The following ZNF808 variants were observed in gnomAD, a reference collection of about 807,000 sequenced individuals.
ZNF808 encodes the protein zinc finger protein 808.
A neutral mutation model predicts 8.7 loss-of-function variants in ZNF808; 5 were observed. The ratio of observed to expected loss-of-function variants is 0.58; its 90% CI spans 0.30 to 1.21. ZNF808 has a LOEUF of 1.21. Among genes scored for constraint, ZNF808 ranks in the 50% most tolerant of loss-of-function variants. ZNF808 has a pLI of 0.07. For missense variants in ZNF808, 1,103 were observed against 1,098.4 expected, an observed-to-expected ratio of 1.00 and a Z score of -0.06; for synonymous variants, 380 against 366.0, an observed-to-expected ratio of 1.04 and a Z score of -0.44.
chr19:52,542,545 C>T (rs1331986633), intron 2 of ZNF808, among the ~76,000 whole-genome samples: 2 of 152,090 alleles, frequency 1.3e-5, no homozygotes, highest in African/African-American at 2.4e-5. Context: ...CTCCCACAGC[C>T]CCCATTTGAC....
intron 1 of ZNF808, among the ~76,000 whole-genome samples, chr19:52,530,431 AGGTG>A (rs2123057513): frequency 6.6e-6 from 1 of 150,376 alleles, no homozygotes; most frequent in South Asian, 2.2e-4. Flanking sequence ...TGGGAGACAG[AGGTG>A]GGTGGATCAT....
chr19:52,563,572 T>C (rs1245316059), exon 4 of ZNF808: 4 of 152,470 alleles, frequency 2.6e-5, no homozygotes, highest in Non-Finnish European at 5.9e-5. Flanking sequence ...ACAGGAATAA[T>C]GAAGTCATTG....
intron 4 of ZNF808, among the ~76,000 whole-genome samples, chr19:52,550,764 A>G (rs985671732): frequency 6.6e-6 from 1 of 152,082 alleles, no homozygotes; most frequent in Non-Finnish European, 1.5e-5. Flanking sequence ...CAGGTGATTC[A>G]TCCACCTGCT....
chr19:52,534,542 G>A lies in ZNF808; in HGVS notation c.-20+1533G>A, dbSNP rs139609503. Among the ~76,000 whole-genome samples, 937 of 152,104 alleles carry A rather than the reference G, an allele frequency of 6.2e-3. 14 individuals are homozygous for A. Among genetic ancestry groups the A allele is most frequent in the African/African-American group, 0.022 (897 of 41,480 alleles). The stretch of plus-strand genomic sequence containing the variant: ...TCGTGGAGATGATTTCTCATTTGGG[G>A]GAAGACTCTTTGTTTTTCAATTATA... On this transcript the variant is annotated intron_variant, in intron 2 of 4. Transcript: ENST00000359798.
chr19:52,539,547 G>GTTTTTTTTT (rs2059649076), intron 2 of ZNF808, among the ~76,000 whole-genome samples: 1 of 73,364 alleles, frequency 1.4e-5, no homozygotes, highest in African/African-American at 5.9e-5. Context: ...TTGTTGTGGT[G>GTTTTTTTTT]GTTTTTTTTT....
chr19:52,560,338 AT>A (rs1227593114), downstream of ZNF808, among the ~76,000 whole-genome samples: 5 of 151,828 alleles, frequency 3.3e-5, no homozygotes, highest in Non-Finnish European at 7.4e-5. Context: ...AAAAAAAAAA[AT>A]TAAAAAACGT....
At chr19:52,541,813 C>G (rs375539431) in intron 2 of ZNF808, among the ~76,000 whole-genome samples, 1 of 152,126 alleles carries the variant, frequency 6.6e-6, no homozygotes, top group Non-Finnish European at 1.5e-5. Context: ...CCCCTGAGCT[C>G]TACAATCCTG....
downstream of ZNF808, among the ~76,000 whole-genome samples, chr19:52,566,306 C>T (rs2059872960): frequency 1.3e-5 from 2 of 151,982 alleles, no homozygotes; most frequent in Admixed American, 1.3e-4. Flanking sequence ...GCTCAGATTA[C>T]AGGCATGCAT....
intron 2 of ZNF808, chr19:52,536,169 T>C (rs1267631877): frequency 6.6e-6 from 1 of 152,408 alleles, no homozygotes; most frequent in Admixed American, 6.5e-5. Flanking sequence ...CCAGAGCAAA[T>C]TGAGATGTCC....
downstream of ZNF808, among the ~76,000 whole-genome samples, chr19:52,559,968 A>G (rs1278301630): frequency 1.3e-5 from 2 of 152,202 alleles, no homozygotes; most frequent in African/African-American, 2.4e-5. Flanking sequence ...TTGATTTGCA[A>G]TAAGGTATAT....
chr19:52,554,114 A>C lies in ZNF808; in HGVS notation c.1198A>C (p.Lys400Gln), dbSNP rs1179386135. Reference sequence around the variant, plus strand: ...AATTCATAGTGGAGAGAAAACATACAAGTGTAATGAGTGTGGTAAGGCTTT... The same window carrying C: ...AATTCATAGTGGAGAGAAAACATACCAGTGTAATGAGTGTGGTAAGGCTTT... ...TRIHSGEKTY[K>Q]CNECGKAFNH... The change falls in exon 5 of 5, where the codon AAG becomes CAG. Residue 400 changes from lysine (K) to glutamine (Q), a missense_variant. Transcript: ENST00000359798. The C allele has an allele frequency of 6.2e-7, 1 of 1,614,026 alleles. No homozygotes were observed.
At position 52,555,488 on chromosome 19, in the gene ZNF808, C is replaced by G. The variant is rs543212488; in HGVS notation, c.2572C>G (p.Arg858Gly). The G allele has an allele frequency of 6.2e-7, 1 of 1,613,856 alleles. No individual in the cohort carries two copies. Among genetic ancestry groups the G allele is most frequent in the South Asian group, 1.1e-5 (1 of 91,058 alleles). ...TGAAGCATGTGACAAAGTTTTCAGTCGCAAATCACACCTTAAAAGACATAG... is the reference window on the plus strand; with the variant it reads ...TGAAGCATGTGACAAAGTTTTCAGTGGCAAATCACACCTTAAAAGACATAG... The part of the protein sequence containing the change: ...KCEACDKVFS[R>G]KSHLKRHRII... The change falls in exon 5 of 5, where the codon CGC (arginine) becomes GGC (glycine). Residue 858 changes from arginine to glycine, a missense_variant. Coordinates refer to ENST00000359798, the MANE Select transcript of ZNF808 (RefSeq NM_001039886.4).
chr19:52,542,774 CAG>C (rs890542638), intron 2 of ZNF808, among the ~76,000 whole-genome samples: 3 of 151,530 alleles, frequency 2.0e-5, no homozygotes, highest in African/African-American at 4.8e-5. Context: ...TTTTAGGTCA[CAG>C]AGAAATGAGG....
Position 52,555,750 on chromosome 19 carries a change from A to G in ZNF808, c.*122A>G. The G allele has an allele frequency of 7.0e-7, 1 of 1,425,522 alleles. No individual in the cohort carries two copies. Among genetic ancestry groups the G allele is most frequent in the African/African-American group, 1.4e-5 (1 of 70,746 alleles). 88.3% of individuals were successfully genotyped at this position (1,425,522 alleles called of 1,614,324 possible). A position where few individuals can be genotyped will look rare whatever the true frequency, so the allele number is the denominator to read the frequency against. ...GGCATGTTTTTCAGACATTGTTCAT[A>G]CATTGCAGTTCATTGGCAACCTCAT... is the stretch of plus-strand genomic sequence containing the variant. On this transcript the variant is annotated 3_prime_UTR_variant, in exon 5 of 5. Coordinates refer to ENST00000359798, the MANE Select transcript of ZNF808 (RefSeq NM_001039886.4).
rs545368008 is a variant in ZNF808, at chr19:52,547,403, G to A, written c.64-109G>A. On this transcript the variant is annotated intron_variant, in intron 3 of 4. Coordinates refer to ENST00000359798, the MANE Select transcript of ZNF808 (RefSeq NM_001039886.4). ...AAAATACCTTAACATCCTTTTGTCA[G>A]AACACAGTCTTTGATCAAATAAATA... The A allele has an allele frequency of 2.5e-6, 4 of 1,576,346 alleles. No homozygotes were observed. In the East Asian group the frequency reaches 6.8e-5, roughly 27 times the overall value.
Position 52,547,759 on chromosome 19 carries a change from T to TTG in ZNF808, c.190+121_190+122insTG. 9.4e-6 allele frequency: 13 copies of TTG among 1,380,896 alleles called. No homozygotes were observed. In the African/African-American group the frequency reaches 1.5e-4, roughly 16 times the overall value. 85.5% of individuals were successfully genotyped at this position (1,380,896 alleles called of 1,614,324 possible). ...TGCTGGTTTTTTTTTTTTTTTTTTT[T>TTG]GACATGGAGTTTTGCTCTTGTTTCC... On this transcript the variant is annotated intron_variant, in intron 4 of 4. Transcript: ENST00000359798.
chr19:52,536,855 T>G (rs1372622105), intron 2 of ZNF808, among the ~76,000 whole-genome samples: 1 of 151,946 alleles, frequency 6.6e-6, no homozygotes, highest in Non-Finnish European at 1.5e-5. Context: ...ATGTAGAGAT[T>G]GAGGACGATC....
intron 2 of ZNF808, among the ~76,000 whole-genome samples, 182 bp downstream of exon 2, chr19:52,533,191 T>A (rs1212627826): frequency 6.6e-6 from 1 of 152,178 alleles, no homozygotes; most frequent in Non-Finnish European, 1.5e-5. Flanking sequence ...TTTCTTTTGT[T>A]TAATTTTCTT....
rs9676916 is a variant in ZNF808 at position 52,555,982 on chromosome 19, T to G, written c.*354T>G. 0.22 allele frequency: 136,674 copies of G among 619,444 alleles called. 16,814 individuals carry two copies. Among genetic ancestry groups the G allele is most frequent in the East Asian group, 0.47 (11,268 of 23,986 alleles). The allele number at this position is 619,444 out of a possible 1,614,324, so 38.4% of individuals were successfully genotyped here. On this transcript the variant is annotated 3_prime_UTR_variant, in exon 5 of 5. Transcript: ENST00000359798. ...TGCAAATGTCATCAGTGTGGCAAGG[T>G]CTTCAGTCCGAGGTCACTCCTTGCA...
Sources: allele counts gnomAD v4.1 joint callset (sites outside exome capture counted in the v4.1 genomes callset), GRCh38; gene constraint gnomAD v4.1.1; transcripts MANE v1.5; gene names NCBI Gene and HGNC (gene_info 2026-07-23, HGNC 2026-07-21).